Variants in PDE4DIP observed in about 807,000 individuals in gnomAD.
PDE4DIP encodes the protein myomegalin.
Under a neutral mutation model 221.4 loss-of-function variants are expected in PDE4DIP, and 59 were observed. The observed-to-expected ratio is 0.27, with a 90% CI of 0.22 to 0.33. The LOEUF is 0.33. Ranked by LOEUF, PDE4DIP falls within the 10% of genes least tolerant of loss-of-function variation. The probability of loss-of-function intolerance (pLI) is 1.00; values close to 1 mark genes in which losing one functional copy is unlikely to be tolerated. For synonymous variants in PDE4DIP, 404 were observed against 815.9 expected, an observed-to-expected ratio of 0.50 and a Z score of 8.60; for missense variants, 1,036 against 2,154.2, an observed-to-expected ratio of 0.48 and a Z score of 10.28.
At position 148,980,260 on chromosome 1, in the gene PDE4DIP, C is replaced by T. The variant is rs1211170539; in HGVS notation, c.2687+411C>T. ...TACAAAAATTAGCTGGGTGAGGTAG[C>T]GCGCGCCTGTAGTCCCAGCTACTCG... On this transcript the variant is annotated intron_variant, in intron 20 of 43. Transcript: ENST00000369354. Among the ~76,000 whole-genome samples, 6 of 152,216 alleles carry T rather than the reference C, an allele frequency of 3.9e-5. No individual in the cohort carries two copies. The East Asian group carries it at 5.8e-4, about 15-fold the overall frequency.
exon 33 of PDE4DIP, chr1:149,016,522 T>C (rs781880620): frequency 3.0e-6 from 2 of 667,942 alleles, no homozygotes; most frequent in East Asian, 5.3e-5. Context: ...CAGGCTCCTC[T>C]GTGTACCAGC....
rs587752636 is a variant in PDE4DIP at position 148,981,188 on chromosome 1, T to A, written c.2688-82T>A. 4.2e-3 allele frequency: 5,504 copies of A among 1,320,072 alleles called. 172 individuals carry two copies. The African/African-American group carries it at 0.069, about 17-fold the overall frequency. 81.8% of individuals were successfully genotyped at this position (1,320,072 alleles called of 1,614,324 possible). On this transcript the variant is annotated intron_variant, in intron 20 of 43. Transcript: ENST00000369354. ...CAAAGTCGTGTGGCTCAAAGTGGTA[T>A]TGATGGTTCTTTGGAAACAAATGTG...
intron 37 of PDE4DIP, among the ~76,000 whole-genome samples, chr1:149,022,019 C>T (rs1203561551): frequency 6.7e-6 from 1 of 149,060 alleles, no homozygotes; most frequent in Non-Finnish European, 1.5e-5. Context: ...AAATCCTGAG[C>T]TTGATTAAAA....
At chr1:149,030,742 A>G (rs1288653885) in intron 43 of PDE4DIP, 6 of 985,260 alleles carry the variant, frequency 6.1e-6, no homozygotes, top group Admixed American at 1.2e-4. Context: ...AAGAACAGCA[A>G]TTTGATTTTG....
At chr1:148,987,622 A>T (rs1236871058) in intron 21 of PDE4DIP, among the ~76,000 whole-genome samples, 2 of 152,184 alleles carry the variant, frequency 1.3e-5, no homozygotes, top group African/African-American at 4.8e-5. Context: ...TTAATAAAAT[A>T]TGATCTCTTG....
intron 1 of PDE4DIP, among the ~76,000 whole-genome samples, chr1:148,927,474 G>A (rs1339814973): frequency 2.6e-5 from 4 of 151,888 alleles, no homozygotes; most frequent in Non-Finnish European, 1.5e-5. Context: ...TAGTATTTGT[G>A]TTTCGACCAC....
intron 1 of PDE4DIP, among the ~76,000 whole-genome samples, chr1:148,925,634 G>A (rs566683): frequency 3.3e-4 from 50 of 152,012 alleles, no homozygotes; most frequent in African/African-American, 8.0e-4. Context: ...GGTAAGGCTG[G>A]GGTCTCTGAC....
intron 6 of PDE4DIP, among the ~76,000 whole-genome samples, chr1:148,961,045 G>C (rs2056802767): frequency 6.6e-6 from 1 of 152,176 alleles, no homozygotes; most frequent in African/African-American, 2.4e-5. Flanking sequence ...AGTGGCTCAT[G>C]CCTGTAATGC....
intron 23 of PDE4DIP, among the ~76,000 whole-genome samples, chr1:149,000,530 G>A (rs2065378345): frequency 6.6e-6 from 1 of 151,276 alleles, no homozygotes; most frequent in African/African-American, 2.4e-5. Flanking sequence ...CTCCAGCCTG[G>A]GTGACAGAGT....
At chr1:149,028,434 T>C in intron 40 of PDE4DIP, 126 bp from the exon 44 acceptor site, 1 of 627,130 alleles carries the variant, frequency 1.6e-6, no homozygotes, top group Non-Finnish European at 2.7e-6. Flanking sequence ...GAGCTGCAAA[T>C]GGTTGTGTGA....
chr1:149,032,250 G>A (rs868985796), exon 44 of PDE4DIP: 73 of 613,562 alleles, frequency 1.2e-4, no homozygotes, highest in East Asian at 9.0e-4. Context: ...AAAAAGATGC[G>A]TAGTTTGCAC....
intron 5 of PDE4DIP, among the ~76,000 whole-genome samples, chr1:148,951,657 T>C (rs1189172483): frequency 4.0e-5 from 6 of 151,892 alleles, no homozygotes; most frequent in Admixed American, 3.9e-4. Flanking sequence ...GCTGGCTGCA[T>C]CCTTAAAAAA....
chr1:148,953,926 G>A (rs1553498579), intron 5 of PDE4DIP: 25 of 1,588,152 alleles, frequency 1.6e-5, no homozygotes, highest in Non-Finnish European at 2.1e-5. Context: ...CGGCTACATA[G>A]TGCCTTTCTG....
intron 1 of PDE4DIP, among the ~76,000 whole-genome samples, chr1:148,923,185 G>A (rs2762720): frequency 3.5e-5 from 5 of 141,188 alleles, no homozygotes; most frequent in African/African-American, 8.0e-5. Context: ...TGATCCGCCC[G>A]CCTCAGCCTC....
At chr1:149,023,866 TAC>T (rs1464416307) in intron 37 of PDE4DIP, among the ~76,000 whole-genome samples, 9 of 151,372 alleles carry the variant, frequency 5.9e-5, no homozygotes, top group African/African-American at 1.2e-4. Context: ...AGTATGTATA[TAC>T]ACACAACATA....
intron 31 of PDE4DIP, 85 bp downstream of exon 34, chr1:149,010,680 C>CCA: frequency 7.7e-7 from 1 of 1,297,162 alleles, no homozygotes; most frequent in Admixed American, 1.9e-5. Flanking sequence ...GAGGTTTGGA[C>CCA]TGTTAGGGGC....
At chr1:149,024,178 A>C (rs587654457) in intron 37 of PDE4DIP, 8 of 313,968 alleles carry the variant, frequency 2.5e-5, no homozygotes, top group Non-Finnish European at 4.6e-5. Flanking sequence ...TATGGAGATG[A>C]AATATGGACT....
At chr1:148,865,224 G>T (rs1386728281) in intron 2 of PDE4DIP, among the ~76,000 whole-genome samples, 1 of 120,354 alleles carries the variant, frequency 8.3e-6, no homozygotes, top group Non-Finnish European at 1.7e-5. Flanking sequence ...GAGTAGCTGG[G>T]ATTACATGCG....
At chr1:149,028,611 C>T (rs782733465) in exon 41 of PDE4DIP, 6 of 1,609,268 alleles carry the variant, frequency 3.7e-6, no homozygotes, top group Non-Finnish European at 4.2e-6. Flanking sequence ...CAGTGCCCTG[C>T]ACCATGCCCT....
Sources: allele counts gnomAD v4.1 joint callset (sites outside exome capture counted in the v4.1 genomes callset), GRCh38; gene constraint gnomAD v4.1.1; transcripts MANE v1.5; gene names NCBI Gene and HGNC (gene_info 2026-07-23, HGNC 2026-07-21).